Variants in ITPRID1 observed in about 807,000 individuals in gnomAD.
ITPRID1 encodes the protein protein ITPRID1.
A neutral mutation model predicts 95.4 loss-of-function variants in ITPRID1; 96 were observed. The ratio of observed to expected loss-of-function variants is 1.01; its 90% CI spans 0.85 to 1.19. The LOEUF (loss-of-function observed/expected upper bound fraction) is 1.19. Among genes scored for constraint, ITPRID1 ranks in the 50% most tolerant of loss-of-function variants. The pLI, the probability that ITPRID1 is intolerant of heterozygous loss-of-function variation, is 0.00. For synonymous variants in ITPRID1, 510 were observed against 453.6 expected, an observed-to-expected ratio of 1.12 and a Z score of -1.58; for missense variants, 1,339 against 1,252.9, an observed-to-expected ratio of 1.07 and a Z score of -1.04.
At chr7:31,577,599 A>G (rs1562582188) in intron 8 of ITPRID1, among the ~76,000 whole-genome samples, 1 of 152,242 alleles carries the variant, frequency 6.6e-6, no homozygotes, top group Non-Finnish European at 1.5e-5. Flanking sequence ...AACTATAGGC[A>G]TATATGAATC....
At chr7:31,658,347 AAAATC>A, downstream of ITPRID1, 2 of 1,523,060 alleles carry the variant, frequency 1.3e-6, no homozygotes, top group African/African-American at 1.4e-5. Flanking sequence ...ATGAAAAAAT[AAAATC>A]AAAAGACTTT....
intron 11 of ITPRID1, 29 bp from the exon 12 acceptor site, chr7:31,642,653 G>A: frequency 1.3e-6 from 2 of 1,598,388 alleles, no homozygotes; most frequent in African/African-American, 1.3e-5. Context: ...TTCCTGACCT[G>A]TTTCCCTTTG....
chr7:31,643,365 C>T lies in ITPRID1; in HGVS notation c.1995C>T (p.Pro665=). 6.2e-7 allele frequency: 1 copy of T among 1,613,996 alleles called. No individual in the cohort carries two copies. Among genetic ancestry groups the T allele is most frequent in the Non-Finnish European group, 8.5e-7 (1 of 1,179,892 alleles). ...DLAQTSEKLI[P]HLHKLPGDPA... Reference sequence around the variant, plus strand: ...CTCAAACATCTGAAAAGCTCATTCCCCACCTCCATAAACTGCCTGGAGATC... The same window carrying T: ...CTCAAACATCTGAAAAGCTCATTCCTCACCTCCATAAACTGCCTGGAGATC... Residue 665 remains proline, a synonymous_variant, in exon 12 of 15, where the codon CCC becomes CCT. Transcript: ENST00000615280.
intron 10 of ITPRID1, among the ~76,000 whole-genome samples, chr7:31,632,969 C>T (rs1402699944): frequency 6.6e-6 from 1 of 152,022 alleles, no homozygotes; most frequent in Non-Finnish European, 1.5e-5. Context: ...TCACTGCAAC[C>T]TCCGACTCCC....
chr7:31,571,739 T>C (rs1335463331), intron 6 of ITPRID1, among the ~76,000 whole-genome samples: 1 of 152,216 alleles, frequency 6.6e-6, no homozygotes, highest in Non-Finnish European at 1.5e-5. Flanking sequence ...GACGGCTGGC[T>C]GTACTTCTTT....
chr7:31,587,295 AG>A (rs1443574031), intron 10 of ITPRID1, among the ~76,000 whole-genome samples: 2 of 152,160 alleles, frequency 1.3e-5, no homozygotes, highest in Non-Finnish European at 2.9e-5. Flanking sequence ...GCAAAGTCTC[AG>A]GATACAAAAT....
intron 12 of ITPRID1, among the ~76,000 whole-genome samples, chr7:31,644,509 C>T (rs1790299730): frequency 6.6e-6 from 1 of 152,132 alleles, no homozygotes; most frequent in African/African-American, 2.4e-5. Context: ...CTCTTATAAT[C>T]AATTTTTGTG....
chr7:31,575,842 G>A (rs1034505322), intron 8 of ITPRID1, among the ~76,000 whole-genome samples: 10 of 151,730 alleles, frequency 6.6e-5, no homozygotes, highest in African/African-American at 1.5e-4. Flanking sequence ...CCGTTTCTCC[G>A]TTTTCAAGTA....
intron 10 of ITPRID1, among the ~76,000 whole-genome samples, chr7:31,607,184 C>A (rs895661497): frequency 6.6e-6 from 1 of 152,152 alleles, no homozygotes; most frequent in Non-Finnish European, 1.5e-5. Flanking sequence ...GCTTTCCCAC[C>A]TGCAAGACGG....
At chr7:31,630,743 G>A (rs7783580) in intron 10 of ITPRID1, among the ~76,000 whole-genome samples, 4,400 of 151,940 alleles carry the variant, frequency 0.029, 223 homozygotes, top group African/African-American at 0.1. Flanking sequence ...GACTCAAAAG[G>A]TCATTAAGAA....
At chr7:31,658,420 A>C (rs554816339), downstream of ITPRID1, 3,054 of 1,477,492 alleles carry the variant, frequency 2.1e-3, 7 homozygotes, top group Non-Finnish European at 2.4e-3. Context: ...GAAAATAATC[A>C]GTTTCCAGAG....
intron 10 of ITPRID1, among the ~76,000 whole-genome samples, chr7:31,620,240 G>A (rs955611127): frequency 2.0e-5 from 3 of 152,120 alleles, no homozygotes; most frequent in African/African-American, 7.2e-5. Flanking sequence ...CTGTCTGACA[G>A]CTTTGAAGAG....
At chr7:31,549,594 C>G in intron 2 of ITPRID1, 95 bp downstream of exon 2, 1 of 907,510 alleles carries the variant, frequency 1.1e-6, no homozygotes, top group Non-Finnish European at 1.6e-6. Flanking sequence ...AATAGATTAT[C>G]AGAAAAGTTT....
chr7:31,592,714 C>T (rs970045356), intron 10 of ITPRID1, among the ~76,000 whole-genome samples: 9 of 152,174 alleles, frequency 5.9e-5, no homozygotes, highest in Non-Finnish European at 1.3e-4. Context: ...TGGTAATCCC[C>T]ATTTGCCCAT....
chr7:31,540,329 T>C (rs1783894307), intron 1 of ITPRID1, among the ~76,000 whole-genome samples: 3 of 152,222 alleles, frequency 2.0e-5, no homozygotes. Context: ...CCTGTAATAC[T>C]GGTGGGGCTT....
intron 1 of ITPRID1, among the ~76,000 whole-genome samples, chr7:31,517,125 A>G (rs748759675): frequency 2.6e-5 from 4 of 152,210 alleles, no homozygotes; most frequent in Non-Finnish European, 5.9e-5. Context: ...CAAACCTAGC[A>G]GATTTCAGGT....
intron 2 of ITPRID1, among the ~76,000 whole-genome samples, chr7:31,552,720 C>T (rs569234460): frequency 1.8e-4 from 28 of 152,318 alleles, no homozygotes; most frequent in African/African-American, 6.5e-4. Flanking sequence ...TCTCCGTCCA[C>T]ATCCCAGACC....
chr7:31,651,307 C>G, intron 13 of ITPRID1, 38 bp downstream of exon 13: 1 of 1,603,510 alleles, frequency 6.2e-7, no homozygotes, highest in South Asian at 1.1e-5. Flanking sequence ...AAGTACCAGC[C>G]CACACACCTG....
rs115873834 is a variant in ITPRID1 at position 31,652,695 on chromosome 7, T to G, written c.3001T>G (p.Leu1001Val). 1 of 1,613,850 alleles carries G rather than the reference T, an allele frequency of 6.2e-7. No individual in the cohort carries two copies. Among genetic ancestry groups the G allele is most frequent in the Non-Finnish European group, 8.5e-7 (1 of 1,179,896 alleles). The change falls in exon 15 of 15, where the codon TTG becomes GTG. Residue 1001 changes from leucine to valine, a missense_variant. Physicochemically the swap from Leu to Val is conservative, Grantham distance 32. Transcript: ENST00000615280. ...GGCTCCCTGTTCAGGTGGGACCCAG[T>G]TGGCTGCCTTCACTCCACCCACCTT... The part of the protein sequence containing the change: ...QEAPCSGGTQ[L>V]AAFTPPTLEN...
Sources: allele counts gnomAD v4.1 joint callset (sites outside exome capture counted in the v4.1 genomes callset), GRCh38; gene constraint gnomAD v4.1.1; transcripts MANE v1.5; gene names NCBI Gene and HGNC (gene_info 2026-07-23, HGNC 2026-07-21).